SP3: variants seen among roughly 807,000 people sequenced by gnomAD.
SP3 encodes Sp3 transcription factor, also known as transcription factor Sp3.
SP3 carries 10 observed loss-of-function variants against 70.3 expected under a neutral mutation model. The ratio of observed to expected loss-of-function variants is 0.14; its 90% CI spans 0.09 to 0.24. SP3 has a LOEUF of 0.24. SP3 is among the 10% of genes least tolerant of loss of function. The probability of loss-of-function intolerance (pLI) is 1.00; values close to 1 mark genes in which losing one functional copy is unlikely to be tolerated. For missense variants in SP3, 825 were observed against 914.6 expected, an observed-to-expected ratio of 0.90 and a Z score of 1.26; for synonymous variants, 402 against 333.5, an observed-to-expected ratio of 1.21 and a Z score of -2.24.
intron 4 of SP3, among the ~76,000 whole-genome samples, chr2:173,940,874 A>G (rs1227443107): frequency 6.6e-6 from 1 of 152,164 alleles, no homozygotes; most frequent in East Asian, 1.9e-4. Flanking sequence ...TTATCTTCCA[A>G]TCAACATATC....
chr2:173,917,202 GA>G (rs1442614731), intron 5 of SP3, among the ~76,000 whole-genome samples: 1 of 152,102 alleles, frequency 6.6e-6, no homozygotes, highest in African/African-American at 2.4e-5. Flanking sequence ...GCCTCCGTTA[GA>G]TTTGACTTTT....
intron 4 of SP3, among the ~76,000 whole-genome samples, chr2:173,945,748 C>A (rs1050613027): frequency 6.6e-6 from 1 of 152,152 alleles, no homozygotes; most frequent in African/African-American, 2.4e-5. Context: ...GGGGACACCT[C>A]CCCCAGGGGT....
rs572683961 is a variant in SP3, at chr2:173,911,780, A to C, written c.2029+1290T>G. ...TTATCTCTGTTTCTGAGCCTTTTCAACAGCAGACTGCAACGCAAAATCTTT... is the reference window on the plus strand; with the variant it reads ...TTATCTCTGTTTCTGAGCCTTTTCACCAGCAGACTGCAACGCAAAATCTTT... On this transcript the variant is annotated intron_variant, in intron 6 of 6. Transcript: ENST00000310015. 8.6e-5 allele frequency among the ~76,000 whole-genome samples: 13 copies of C among 151,344 alleles called. No homozygotes were observed. In the South Asian group the frequency reaches 2.7e-3, roughly 32 times the overall value.
chr2:173,933,183 C>T (rs1222733819), intron 4 of SP3, among the ~76,000 whole-genome samples: 1 of 151,538 alleles, frequency 6.6e-6, no homozygotes, highest in African/African-American at 2.4e-5. Flanking sequence ...TAAAGCATGC[C>T]TATATATCCA....
chr2:173,956,340 T>G (rs1690892981), intron 3 of SP3, 108 bp from the exon 4 acceptor site: 2 of 1,182,188 alleles, frequency 1.7e-6, no homozygotes, highest in African/African-American at 1.5e-5. Context: ...TCAACTTATC[T>G]TAAAACACAA....
rs1029402036 is a variant in SP3, at chr2:173,907,775, TAAG to T, written c.*2163_*2165del. ...ATTCTAAAAATTACCTAAAGGATTTTAAGATTCAAAATCTAATCCCTGTAACTT... is the reference window on the plus strand; with the variant it reads ...ATTCTAAAAATTACCTAAAGGATTTTATTCAAAATCTAATCCCTGTAACTT... On this transcript the variant is annotated 3_prime_UTR_variant, in exon 7 of 7. Coordinates refer to ENST00000310015, the MANE Select transcript of SP3 (RefSeq NM_003111.5). 72 of 152,310 alleles carry T rather than the reference TAAG, an allele frequency of 4.7e-4. 1 individual carries two copies. Among genetic ancestry groups the T allele is most frequent in the African/African-American group, 1.7e-3 (69 of 41,586 alleles). The allele number at this position is 152,310 out of a possible 1,614,324, so 9.4% of individuals were successfully genotyped here. A position where few individuals can be genotyped will look rare whatever the true frequency, so the allele number is the denominator to read the frequency against.
In SP3 at chr2:173,903,957, G is replaced by C. The variant is rs758024451; in HGVS notation, c.*5984C>G. ...GGTCCCCAAACTTTTTGGCACCAGG[G>C]ACTAGTTTTGAGGAAGACAATTTTT... On this transcript the variant is annotated 3_prime_UTR_variant, in exon 7 of 7. Coordinates refer to ENST00000310015, the MANE Select transcript of SP3 (RefSeq NM_003111.5). 2.9e-4 allele frequency among the ~76,000 whole-genome samples: 42 copies of C among 144,642 alleles called. No homozygotes were observed. The highest frequency in any genetic ancestry group is 1.4e-4 in the Admixed American group (2 of 14,474). 94.9% of individuals were successfully genotyped at this position (144,642 alleles called of 152,430 possible).
chr2:173,917,500 C>T (rs967403775), intron 5 of SP3, among the ~76,000 whole-genome samples: 6 of 152,120 alleles, frequency 3.9e-5, no homozygotes, highest in African/African-American at 9.6e-5. Context: ...ACTGGGAATA[C>T]GGTAAACTCT....
At chr2:173,926,043 T>C (rs1653480985) in intron 4 of SP3, among the ~76,000 whole-genome samples, 1 of 152,198 alleles carries the variant, frequency 6.6e-6, no homozygotes, top group East Asian at 1.9e-4. Flanking sequence ...CAACTAAAGA[T>C]CTGAAGCTGC....
In SP3 at chr2:173,901,978, GC is replaced by G. The variant is rs1689198486; in HGVS notation, c.*7962del. ...GCTGGGACCACAGGCATGAGCCACT[GC>G]CCCCGGCCAAGCCTTCTTTTCAATA... On this transcript the variant is annotated 3_prime_UTR_variant, in exon 7 of 7. Transcript: ENST00000310015. 6.6e-6 allele frequency among the ~76,000 whole-genome samples: 1 copy of G among 152,254 alleles called. No individual in the cohort carries two copies. The highest frequency in any genetic ancestry group is 2.1e-4 in the South Asian group (1 of 4,822).
chr2:173,925,363 A>C, intron 4 of SP3, among the ~76,000 whole-genome samples: 1 of 152,352 alleles, frequency 6.6e-6, no homozygotes, highest in South Asian at 2.1e-4. Context: ...TGAAGTACTT[A>C]AAGTAGTCAA....
At chr2:173,913,667 T>C (rs1275344828) in intron 5 of SP3, 1 of 152,850 alleles carries the variant, frequency 6.5e-6, no homozygotes. Flanking sequence ...CGTCAGATAA[T>C]CAAAAATATA....
rs149571740 is a variant in SP3, at chr2:173,927,402, G to A, written c.1640-8617C>T. On this transcript the variant is annotated intron_variant, in intron 4 of 6. Coordinates refer to ENST00000310015, the MANE Select transcript of SP3 (RefSeq NM_003111.5). ...AGCAATTCTCCTATCTCAGCCTCCC[G>A]AGTAGCTGGGACTACAAGTGTCCGC... is the stretch of plus-strand genomic sequence containing the variant. Among the ~76,000 whole-genome samples the A allele has an allele frequency of 9.9e-3, 1,503 of 151,086 alleles. 37 individuals carry two copies. The highest frequency in any genetic ancestry group is 0.035 in the African/African-American group (1,428 of 41,112).
chr2:173,918,355 T>C (rs1263383902), intron 5 of SP3, among the ~76,000 whole-genome samples: 1 of 152,174 alleles, frequency 6.6e-6, no homozygotes, highest in Admixed American at 6.5e-5. Context: ...GCCTGTTAAA[T>C]GGCATCTGCT....
In SP3 at chr2:173,903,130, TACA is replaced by T. The variant is rs1337381023; in HGVS notation, c.*6808_*6810del. ...TTAACAAGGTGAATTAACTCATTAATACAACAATAGTTGAAGACAACTATTTTC... is the reference window on the plus strand; with the variant it reads ...TTAACAAGGTGAATTAACTCATTAATACAATAGTTGAAGACAACTATTTTC... On this transcript the variant is annotated 3_prime_UTR_variant, in exon 7 of 7. Coordinates refer to ENST00000310015, the MANE Select transcript of SP3 (RefSeq NM_003111.5). 2.0e-5 allele frequency among the ~76,000 whole-genome samples: 3 copies of T among 152,246 alleles called. No homozygotes were observed. Among genetic ancestry groups the T allele is most frequent in the African/African-American group, 7.2e-5 (3 of 41,476 alleles).
Position 173,964,417 on chromosome 2 carries a change from T to C in SP3, c.144A>G (p.Ala48=), listed in dbSNP as rs749270053. 4.2e-6 allele frequency: 3 copies of C among 721,062 alleles called. No homozygotes were observed. Among genetic ancestry groups the C allele is most frequent in the East Asian group, 2.8e-5 (1 of 36,108 alleles). The allele number at this position is 721,062 out of a possible 1,614,324, so 44.7% of individuals were successfully genotyped here. A position where few individuals can be genotyped will look rare whatever the true frequency, so the allele number is the denominator to read the frequency against. ...AGCCGCTCCTCACCTGGGCCGCCGCTGCCGCCGCCACCGCACCGTTTCCGT... is the reference window on the plus strand; with the variant it reads ...AGCCGCTCCTCACCTGGGCCGCCGCCGCCGCCGCCACCGCACCGTTTCCGT... ...QQHGNGAVAA[A]AAAQDTQPSP... Residue 48 remains alanine (A), a synonymous_variant, in exon 2 of 7, where the codon GCA becomes GCG. Coordinates refer to ENST00000310015, the MANE Select transcript of SP3 (RefSeq NM_003111.5).
At chr2:173,920,993 T>C (rs1689737838) in intron 4 of SP3, among the ~76,000 whole-genome samples, 1 of 152,150 alleles carries the variant, frequency 6.6e-6, no homozygotes, top group Admixed American at 6.5e-5. Flanking sequence ...TACAGGGAGA[T>C]TTCAGGGTTG....
chr2:173,964,321 G>A (rs539085277), intron 2 of SP3, 84 bp downstream of exon 2: 6 of 611,136 alleles, frequency 9.8e-6, no homozygotes, highest in South Asian at 3.6e-5. Flanking sequence ...GGAGGGAGGG[G>A]TGAGGCGAGG....
Position 173,964,532 on chromosome 2 carries a change from T to C in SP3, c.29A>G (p.Gln10Arg), listed in dbSNP as rs1433881047. 1.6e-6 allele frequency: 1 copy of C among 644,456 alleles called. No individual in the cohort carries two copies. The highest frequency in any genetic ancestry group is 1.5e-5 in the South Asian group (1 of 65,712). The allele number at this position is 644,456 out of a possible 1,614,324, so 39.9% of individuals were successfully genotyped here. MTAPEKPVK[Q>R]EEMAALDVDS... ...CACGTCCAAGGCAGCCATTTCCTCT[T>C]GTTTCACGGGCTTTTCGGGAGCTGC... The change falls in exon 2 of 7, where the codon CAA becomes CGA. Residue 10 changes from glutamine (Q) to arginine (R), a missense_variant. Gln to Arg is a conservative substitution (Grantham distance 43). Coordinates refer to ENST00000310015, the MANE Select transcript of SP3 (RefSeq NM_003111.5).
Sources: gnomAD v4.1 joint callset for allele counts (sites outside exome capture counted in the v4.1 genomes callset) on GRCh38, gnomAD v4.1.1 for gene constraint, MANE v1.5 for transcripts, NCBI Gene and HGNC (gene_info 2026-07-23, HGNC 2026-07-21) for gene names.